The following MACO1 variants were observed in gnomAD, a reference collection of about 807,000 sequenced individuals.
The protein encoded by MACO1 is macoilin 1.
In MACO1, 14 loss-of-function variants were observed where a neutral mutation model predicts 78.7. The ratio of observed to expected loss-of-function variants is 0.18; its 90% CI spans 0.12 to 0.28. The LOEUF (loss-of-function observed/expected upper bound fraction) is 0.28, where lower values mean the gene tolerates loss of function less well. MACO1 is among the 10% of genes least tolerant of loss of function. The pLI is 1.00. For missense variants in MACO1, 501 were observed against 799.0 expected, an observed-to-expected ratio of 0.63 and a Z score of 4.50; for synonymous variants, 288 against 291.6, an observed-to-expected ratio of 0.99 and a Z score of 0.12.
intron 5 of MACO1, among the ~76,000 whole-genome samples, chr1:25,457,389 G>A (rs1394708516): frequency 6.6e-6 from 1 of 152,086 alleles, no homozygotes; most frequent in Non-Finnish European, 1.5e-5. Context: ...AGGGATTACA[G>A]GCATGAGCCA....
At chr1:25,483,700 A>G (rs1038172894) in intron 6 of MACO1, among the ~76,000 whole-genome samples, 2 of 152,212 alleles carry the variant, frequency 1.3e-5, no homozygotes, top group Non-Finnish European at 2.9e-5. Context: ...TGATTTATCA[A>G]AATATCACAA....
In MACO1 at chr1:25,488,928, C is replaced by T. The variant is rs186713771; in HGVS notation, c.1497-245C>T. 4.9e-4 allele frequency among the ~76,000 whole-genome samples: 74 copies of T among 152,298 alleles called. 1 individual carries two copies. Among genetic ancestry groups the T allele is most frequent in the Non-Finnish European group, 4.9e-4 (33 of 68,022 alleles). ...CACCTCCTGGGTTCAAGCAATTCTT[C>T]TGCCTCAGCCTCCCCAGTAGCTGGG... is the stretch of plus-strand genomic sequence containing the variant. On this transcript the variant is annotated intron_variant, in intron 8 of 10. Coordinates refer to ENST00000374343, the MANE Select transcript of MACO1 (RefSeq NM_018202.6).
intron 1 of MACO1, among the ~76,000 whole-genome samples, chr1:25,439,506 G>A (rs937997363): frequency 3.9e-5 from 6 of 152,086 alleles, no homozygotes; most frequent in Non-Finnish European, 7.4e-5. Flanking sequence ...CACTAGAAAG[G>A]TTCCCTTTGC....
chr1:25,484,076 C>T, intron 6 of MACO1, 40 bp from the exon 7 acceptor site: 1 of 1,575,522 alleles, frequency 6.3e-7, no homozygotes, highest in Non-Finnish European at 8.6e-7. Flanking sequence ...CTGTGGGTGC[C>T]CTCACCTAGA....
At chr1:25,489,537 C>T (rs1361938211) in intron 9 of MACO1, among the ~76,000 whole-genome samples, 1 of 152,110 alleles carries the variant, frequency 6.6e-6, no homozygotes, top group Non-Finnish European at 1.5e-5. Context: ...ATGTTTTATA[C>T]CAGGATTTAA....
chr1:25,498,530 G>C lies in MACO1; in HGVS notation c.*64G>C. 2.1e-6 allele frequency: 3 copies of C among 1,420,296 alleles called. No homozygotes were observed. Among genetic ancestry groups the C allele is most frequent in the Non-Finnish European group, 2.9e-6 (3 of 1,045,086 alleles). 88.0% of individuals were successfully genotyped at this position (1,420,296 alleles called of 1,614,324 possible). A position where few individuals can be genotyped will look rare whatever the true frequency, so the allele number is the denominator to read the frequency against. ...GAAGGCATTGCAAAGGAGCGTCTCT[G>C]GCAGTCAAGATAAAAAAACAGTTTC... On this transcript the variant is annotated 3_prime_UTR_variant, in exon 11 of 11. Transcript: ENST00000374343.
intron 1 of MACO1, among the ~76,000 whole-genome samples, chr1:25,438,057 A>G (rs9438906): frequency 0.073 from 11,108 of 152,214 alleles, 1,315 homozygotes; most frequent in African/African-American, 0.25. Context: ...AAAGGTTTTC[A>G]CGGTTTTGTA....
At chr1:25,477,413 T>G (rs955295951) in intron 6 of MACO1, among the ~76,000 whole-genome samples, 2 of 152,196 alleles carry the variant, frequency 1.3e-5, no homozygotes, top group African/African-American at 4.8e-5. Flanking sequence ...TGGAGATGAC[T>G]TTTTGAAGCC....
At chr1:25,468,276 G>A (rs907117118) in intron 6 of MACO1, among the ~76,000 whole-genome samples, 1 of 152,098 alleles carries the variant, frequency 6.6e-6, no homozygotes, top group Non-Finnish European at 1.5e-5. Flanking sequence ...TTGGGAATTG[G>A]TCTGGTCCAG....
intron 6 of MACO1, among the ~76,000 whole-genome samples, chr1:25,469,633 C>CTTTTTTTTTTTT (rs1222159978): frequency 7.8e-6 from 1 of 127,450 alleles, no homozygotes; most frequent in African/African-American, 3.2e-5. Context: ...TAACCTCTGA[C>CTTTTTTTTTTTT]TTTTTTTTTT....
At chr1:25,490,649 AAACAGTCTT>A (rs2043477312) in intron 9 of MACO1, among the ~76,000 whole-genome samples, 1 of 152,226 alleles carries the variant, frequency 6.6e-6, no homozygotes, top group Non-Finnish European at 1.5e-5. Flanking sequence ...AAAAAATTGA[AAACAGTCTT>A]AACAATGGGA....
At chr1:25,478,162 T>C (rs2043339792) in intron 6 of MACO1, among the ~76,000 whole-genome samples, 1 of 152,170 alleles carries the variant, frequency 6.6e-6, no homozygotes, top group South Asian at 2.1e-4. Flanking sequence ...CAGGAATCAC[T>C]TGAGCCCAGG....
chr1:25,472,446 T>C (rs552384104), intron 6 of MACO1, among the ~76,000 whole-genome samples: 24 of 151,732 alleles, frequency 1.6e-4, no homozygotes, highest in Admixed American at 9.8e-4. Context: ...CTCCCACTTA[T>C]GAGTGAGAAC....
At position 25,498,541 on chromosome 1, in the gene MACO1, T is replaced by TA. The variant is rs1009835257; in HGVS notation, c.*82dup. 1.3e-5 allele frequency: 17 copies of TA among 1,351,756 alleles called. No individual in the cohort carries two copies. Among genetic ancestry groups the TA allele is most frequent in the Admixed American group, 4.6e-5 (2 of 43,288 alleles). 83.7% of individuals were successfully genotyped at this position (1,351,756 alleles called of 1,614,324 possible). On this transcript the variant is annotated 3_prime_UTR_variant, in exon 11 of 11. Transcript: ENST00000374343. ...AAAGGAGCGTCTCTGGCAGTCAAGA[T>TA]AAAAAAACAGTTTCTATTGTATTTT... is the stretch of plus-strand genomic sequence containing the variant.
intron 6 of MACO1, among the ~76,000 whole-genome samples, chr1:25,468,876 TCTCA>T (rs1312001830): frequency 1.3e-5 from 2 of 152,154 alleles, no homozygotes; most frequent in Non-Finnish European, 2.9e-5. Flanking sequence ...GGAGACGGAG[TCTCA>T]CTCTGTCGCC....
chr1:25,458,960 A>T (rs35530120), intron 6 of MACO1, 68 bp downstream of exon 6: 16 of 1,534,158 alleles, frequency 1.0e-5, no homozygotes, highest in East Asian at 6.8e-5. Context: ...ACATACTCCC[A>T]TATGGGCCTG....
chr1:25,454,081 C>T (rs763518406), intron 3 of MACO1, among the ~76,000 whole-genome samples, 178 bp from the exon 4 acceptor site: 83 of 152,004 alleles, frequency 5.5e-4, no homozygotes, highest in African/African-American at 1.8e-3. Context: ...TTTTTGTCAG[C>T]GATTCTGTGG....
chr1:25,466,154 C>T (rs2043217807), intron 6 of MACO1, among the ~76,000 whole-genome samples: 1 of 152,146 alleles, frequency 6.6e-6, no homozygotes, highest in South Asian at 2.1e-4. Flanking sequence ...GATCAAGTGG[C>T]AGTTTTACTT....
chr1:25,474,024 C>T (rs2043297828), intron 6 of MACO1, among the ~76,000 whole-genome samples: 1 of 152,214 alleles, frequency 6.6e-6, no homozygotes. Context: ...CAGACTCCTA[C>T]AGGAGTGAGT....
Sources: gnomAD v4.1 joint callset for allele counts (sites outside exome capture counted in the v4.1 genomes callset) on GRCh38, gnomAD v4.1.1 for gene constraint, MANE v1.5 for transcripts, NCBI Gene and HGNC (gene_info 2026-07-23, HGNC 2026-07-21) for gene names.